ETFA: variants seen among roughly 807,000 people sequenced by gnomAD.
The protein encoded by ETFA is electron transfer flavoprotein subunit alpha, mitochondrial.
ETFA carries 22 observed loss-of-function variants against 46.2 expected under a neutral mutation model. That is an observed-to-expected ratio of 0.48 (90% CI 0.34 to 0.68). ETFA has a LOEUF of 0.68. Ranked by LOEUF, ETFA falls within the 30% of genes least tolerant of loss-of-function variation. ETFA has a pLI of 0.01. For missense variants in ETFA, 345 were observed against 401.1 expected (o/e 0.86, Z 1.19); for synonymous variants, 131 against 139.9 (o/e 0.94, Z 0.45).
In ETFA at chr15:76,287,902, A is replaced by AAAT; in HGVS notation, c.394_395insATT (p.Ile132delinsAsnPhe). The stretch of plus-strand genomic sequence containing the variant: ...TGACTTGATTGCAATGATGTCAGAA[A>AAAT]TCGGGGCAACCTCAAGTTTGGCTGC... On this transcript the variant is annotated protein_altering_variant, in exon 5 of 12. Transcript: ENST00000557943. The AAAT allele has an allele frequency of 6.2e-7, 1 of 1,614,116 alleles. No homozygotes were observed.
intron 9 of ETFA, among the ~76,000 whole-genome samples, chr15:76,262,304 A>C (rs2039422463): frequency 6.6e-6 from 1 of 151,806 alleles, no homozygotes; most frequent in Non-Finnish European, 1.5e-5. Flanking sequence ...AACATGTGTA[A>C]CTAGAGTCCC....
chr15:76,283,929 G>A, intron 7 of ETFA, 104 bp from the exon 8 acceptor site: 1 of 759,500 alleles, frequency 1.3e-6, no homozygotes, highest in Non-Finnish European at 2.3e-6. Flanking sequence ...TTATGTAACT[G>A]CCATATTAAG....
intron 9 of ETFA, among the ~76,000 whole-genome samples, chr15:76,272,320 A>C (rs2039544341): frequency 1.3e-5 from 2 of 151,178 alleles, no homozygotes; most frequent in South Asian, 4.2e-4. Context: ...TCCTGGGTTC[A>C]AACAATTCTC....
chr15:76,296,048 C>A (rs2141544997), intron 1 of ETFA, among the ~76,000 whole-genome samples: 1 of 146,098 alleles, frequency 6.8e-6, no homozygotes, highest in African/African-American at 2.5e-5. Flanking sequence ...CAGGTTCATG[C>A]CATTCTCCCG....
chr15:76,288,625 T>C (rs533980597), intron 4 of ETFA, among the ~76,000 whole-genome samples: 1 of 151,502 alleles, frequency 6.6e-6, no homozygotes, highest in East Asian at 1.9e-4. Context: ...AGAATGAGAA[T>C]TGCTTGAACC....
intron 1 of ETFA, among the ~76,000 whole-genome samples, chr15:76,310,369 G>GAAAA (rs34111559): frequency 0.011 from 1,176 of 104,290 alleles, 25 homozygotes; most frequent in African/African-American, 0.025. Flanking sequence ...TCCATGCCCA[G>GAAAA]AAAAAAAAAA....
intron 1 of ETFA, among the ~76,000 whole-genome samples, chr15:76,300,451 C>A (rs1016327833): frequency 6.6e-6 from 1 of 152,144 alleles, no homozygotes; most frequent in Non-Finnish European, 1.5e-5. Flanking sequence ...CATAACAATT[C>A]TTCCTTCTAA....
At chr15:76,264,883 C>G (rs767098772) in intron 9 of ETFA, among the ~76,000 whole-genome samples, 4 of 152,244 alleles carry the variant, frequency 2.6e-5, no homozygotes, top group Non-Finnish European at 5.9e-5. Context: ...CCACTACCAT[C>G]CATCAACAGA....
intron 9 of ETFA, among the ~76,000 whole-genome samples, chr15:76,248,801 C>G (rs899775476): frequency 6.6e-6 from 1 of 151,834 alleles, no homozygotes; most frequent in Non-Finnish European, 1.5e-5. Flanking sequence ...TGTTTGAACC[C>G]AGGAGGTAGA....
At chr15:76,236,503 G>A (rs533444632) in intron 9 of ETFA, among the ~76,000 whole-genome samples, 6 of 152,274 alleles carry the variant, frequency 3.9e-5, no homozygotes, top group East Asian at 1.9e-4. Flanking sequence ...CTAGGGAACC[G>A]TGGACTATGG....
At chr15:76,228,525 T>C (rs2039028894) in intron 10 of ETFA, among the ~76,000 whole-genome samples, 1 of 152,104 alleles carries the variant, frequency 6.6e-6, no homozygotes, top group African/African-American at 2.4e-5. Context: ...AGAGAGCATA[T>C]AACTGTGGGC....
chr15:76,218,844 G>A (rs942172503), intron 11 of ETFA, among the ~76,000 whole-genome samples: 2 of 152,140 alleles, frequency 1.3e-5, no homozygotes, highest in African/African-American at 4.8e-5. Context: ...GTAGTACTAA[G>A]GGAAACAGAG....
intron 8 of ETFA, among the ~76,000 whole-genome samples, chr15:76,283,036 A>G (rs2039670421): frequency 6.6e-6 from 1 of 152,184 alleles, no homozygotes; most frequent in Admixed American, 6.5e-5. Context: ...TTACCTATAA[A>G]TGGTTAACTA....
chr15:76,306,989 TTCA>T (rs2039946140), intron 1 of ETFA, among the ~76,000 whole-genome samples: 1 of 152,224 alleles, frequency 6.6e-6, no homozygotes, highest in African/African-American at 2.4e-5. Context: ...TTCAATCTTA[TTCA>T]TCAATACTAG....
At chr15:76,247,545 C>T (rs934003764) in intron 9 of ETFA, among the ~76,000 whole-genome samples, 1 of 152,166 alleles carries the variant, frequency 6.6e-6, no homozygotes, top group Admixed American at 6.6e-5. Flanking sequence ...TGATAACAGC[C>T]CCTTCTCCCA....
chr15:76,272,020 A>G (rs1380066029), intron 9 of ETFA, among the ~76,000 whole-genome samples: 2 of 151,974 alleles, frequency 1.3e-5, no homozygotes, highest in Admixed American at 6.6e-5. Flanking sequence ...ATATTTCCTT[A>G]TGAAAAAAAA....
intron 9 of ETFA, among the ~76,000 whole-genome samples, chr15:76,241,047 G>A (rs1418501206): frequency 6.6e-6 from 1 of 151,912 alleles, no homozygotes; most frequent in Admixed American, 6.6e-5. Context: ...CACTTTAAGT[G>A]TACCTGAAAT....
At chr15:76,234,911 G>C (rs886798711) in intron 9 of ETFA, among the ~76,000 whole-genome samples, 1 of 152,194 alleles carries the variant, frequency 6.6e-6, no homozygotes, top group Non-Finnish European at 1.5e-5. Flanking sequence ...AGGGGCTGAG[G>C]TCTAAACTAG....
intron 9 of ETFA, among the ~76,000 whole-genome samples, chr15:76,255,402 AATCT>A (rs2141486732): frequency 6.6e-6 from 1 of 152,354 alleles, no homozygotes; most frequent in Admixed American, 6.5e-5. Flanking sequence ...GTCACTGAAG[AATCT>A]TAAGTTATCA....
Sources: allele counts gnomAD v4.1 joint callset (sites outside exome capture counted in the v4.1 genomes callset), GRCh38; gene constraint gnomAD v4.1.1; transcripts MANE v1.5; gene names NCBI Gene and HGNC (gene_info 2026-07-23, HGNC 2026-07-21).